The following C1GALT1 variants were observed in gnomAD, a reference collection of about 807,000 sequenced individuals.
C1GALT1 encodes glycoprotein-N-acetylgalactosamine 3-beta-galactosyltransferase 1.
C1GALT1 carries 11 observed loss-of-function variants against 31.0 expected under a neutral mutation model. That is an observed-to-expected ratio of 0.36 (90% confidence interval 0.22 to 0.59). The LOEUF is 0.59. Ranked by LOEUF, C1GALT1 falls within the 20% of genes least tolerant of loss-of-function variation. The pLI is 0.79. For synonymous variants in C1GALT1, 175 were observed against 143.6 expected, an observed-to-expected ratio of 1.22 and a Z score of -1.56; for missense variants, 424 against 425.2, an observed-to-expected ratio of 1.00 and a Z score of 0.03.
chr7:7,180,165 A>T (rs188958433), upstream of C1GALT1, among the ~76,000 whole-genome samples: 14 of 152,358 alleles, frequency 9.2e-5, no homozygotes, highest in African/African-American at 2.9e-4. Context: ...AAGAGAAACA[A>T]CAATACTGAG....
rs138092304 is a variant in C1GALT1, at chr7:7,207,135, C to T, written c.-18+24315C>T. Among the ~76,000 whole-genome samples, 51 of 152,114 alleles carry T rather than the reference C, an allele frequency of 3.4e-4. 1 individual carries two copies. The highest frequency in any genetic ancestry group is 2.9e-3 in the Admixed American group (44 of 15,282). Reference sequence around the variant, plus strand: ...CTTAGGACCTTCACATTTCTTCAGCCGTTTTTCTTTGTTTTCCTAAGACTC... The same window carrying T: ...CTTAGGACCTTCACATTTCTTCAGCTGTTTTTCTTTGTTTTCCTAAGACTC... On this transcript the variant is annotated intron_variant, in intron 1 of 3. Transcript: ENST00000436587.
intron 2 of C1GALT1, among the ~76,000 whole-genome samples, chr7:7,164,679 G>A (rs1379119915): frequency 6.6e-6 from 1 of 152,150 alleles, no homozygotes; most frequent in Admixed American, 6.6e-5. Context: ...GCCCTAAAGA[G>A]TATCACAGGT....
At chr7:7,174,917 T>C (rs1401061702) in intron 2 of C1GALT1, among the ~76,000 whole-genome samples, 1 of 152,146 alleles carries the variant, frequency 6.6e-6, no homozygotes, top group African/African-American at 2.4e-5. Context: ...TTTAAGACAA[T>C]TGTTTTAAAG....
intron 1 of C1GALT1, among the ~76,000 whole-genome samples, chr7:7,196,096 G>A (rs778290814): frequency 2.6e-5 from 4 of 151,920 alleles, no homozygotes; most frequent in Non-Finnish European, 5.9e-5. Context: ...AAAGTTCTAG[G>A]GTACATGTGC....
intron 2 of C1GALT1, among the ~76,000 whole-genome samples, chr7:7,159,158 T>A (rs1380200726): frequency 6.6e-6 from 1 of 152,110 alleles, no homozygotes; most frequent in Non-Finnish European, 1.5e-5. Context: ...AAATCACAGC[T>A]GGGACTCAAA....
chr7:7,221,540 T>C (rs1782511911), intron 1 of C1GALT1, among the ~76,000 whole-genome samples: 1 of 152,234 alleles, frequency 6.6e-6, no homozygotes, highest in Non-Finnish European at 1.5e-5. Context: ...ATAACTGGTG[T>C]TGGTAATTTA....
upstream of C1GALT1, among the ~76,000 whole-genome samples, chr7:7,180,618 A>C (rs763698726): frequency 6.6e-6 from 1 of 152,246 alleles, no homozygotes; most frequent in Non-Finnish European, 1.5e-5. Flanking sequence ...TGTAACACAA[A>C]ATTTAAGAAA....
intron 1 of C1GALT1, among the ~76,000 whole-genome samples, chr7:7,197,395 G>A (rs1781338873): frequency 6.6e-6 from 1 of 151,996 alleles, no homozygotes; most frequent in Admixed American, 6.6e-5. Flanking sequence ...TGTTCCATTG[G>A]TCTGTATCTC....
chr7:7,173,719 T>C (rs753963973), intron 2 of C1GALT1, among the ~76,000 whole-genome samples: 39 of 152,086 alleles, frequency 2.6e-4, no homozygotes, highest in Admixed American at 5.2e-4. Context: ...CTGCGCAACA[T>C]GGTGAAACCC....
chr7:7,176,864 A>T (rs989590573), intron 2 of C1GALT1, among the ~76,000 whole-genome samples: 1 of 152,182 alleles, frequency 6.6e-6, no homozygotes, highest in Non-Finnish European at 1.5e-5. Flanking sequence ...ATTGTCAGGT[A>T]TTTTCAATAG....
At chr7:7,186,352 A>G (rs1023214822) in intron 1 of C1GALT1, among the ~76,000 whole-genome samples, 31 of 152,310 alleles carry the variant, frequency 2.0e-4, no homozygotes, top group African/African-American at 6.5e-4. Flanking sequence ...GGTCCTGGAG[A>G]TAAAACAGTG....
At chr7:7,231,705 C>G (rs959665542) in intron 1 of C1GALT1, among the ~76,000 whole-genome samples, 6 of 151,548 alleles carry the variant, frequency 4.0e-5, no homozygotes, top group Non-Finnish European at 5.9e-5. Context: ...CTATTGTCTA[C>G]TTTTTTGTGT....
chr7:7,164,439 A>T (rs1780371375), intron 2 of C1GALT1, among the ~76,000 whole-genome samples: 2 of 152,162 alleles, frequency 1.3e-5, no homozygotes, highest in Admixed American at 6.6e-5. Context: ...TTTCAGGAGG[A>T]TTGGGATACA....
chr7:7,188,046 A>G (rs1780898663), intron 1 of C1GALT1, among the ~76,000 whole-genome samples: 1 of 152,194 alleles, frequency 6.6e-6, no homozygotes, highest in Non-Finnish European at 1.5e-5. Context: ...CTTGAGTCAG[A>G]GAGGTTAGAT....
At chr7:7,203,490 G>A (rs917716884) in intron 1 of C1GALT1, among the ~76,000 whole-genome samples, 1 of 152,060 alleles carries the variant, frequency 6.6e-6, no homozygotes, top group Admixed American at 6.6e-5. Context: ...TTAATGAGGT[G>A]TATTGCCTTG....
intron 2 of C1GALT1, among the ~76,000 whole-genome samples, chr7:7,165,957 T>C (rs1401949020): frequency 6.6e-6 from 1 of 152,134 alleles, no homozygotes; most frequent in Admixed American, 6.6e-5. Context: ...TAGACTTGGG[T>C]CCCATCCCAG....
chr7:7,211,590 T>C (rs961495648), intron 1 of C1GALT1, among the ~76,000 whole-genome samples: 3 of 152,202 alleles, frequency 2.0e-5, no homozygotes, highest in Non-Finnish European at 4.4e-5. Context: ...AGAGTGAGTA[T>C]AGCAGTTCCC....
chr7:7,167,512 G>A (rs923055570), intron 2 of C1GALT1, among the ~76,000 whole-genome samples: 3 of 151,966 alleles, frequency 2.0e-5, no homozygotes, highest in African/African-American at 7.3e-5. Flanking sequence ...AAAGAATACT[G>A]TTAAGAGTAA....
At chr7:7,203,107 T>TTTTTTGAATTTTTTG (rs61302463) in intron 1 of C1GALT1, among the ~76,000 whole-genome samples, 1 of 150,378 alleles carries the variant, frequency 6.6e-6, no homozygotes, top group African/African-American at 2.5e-5. Context: ...TTTTTTTTTT[T>TTTTTTGAATTTTTTG]GGAATCTTTA....
Sources: allele counts gnomAD v4.1 joint callset (sites outside exome capture counted in the v4.1 genomes callset), GRCh38; gene constraint gnomAD v4.1.1; transcripts MANE v1.5; gene names NCBI Gene and HGNC (gene_info 2026-07-23, HGNC 2026-07-21).